The following ASCC3 variants were observed in gnomAD, a reference collection of about 807,000 sequenced individuals.
ASCC3 encodes the protein activating signal cointegrator 1 complex subunit 3.
Under a neutral mutation model 256.3 loss-of-function variants are expected in ASCC3, and 158 were observed. The ratio of observed to expected loss-of-function variants is 0.62; its 90% confidence interval spans 0.54 to 0.70. The LOEUF (loss-of-function observed/expected upper bound fraction) is 0.70. Among genes scored for constraint, ASCC3 ranks in the 30% least tolerant of loss-of-function variants. The pLI is 0.00. For missense variants in ASCC3, 2,259 were observed against 2,626.0 expected (o/e 0.86, Z 3.05); for synonymous variants, 948 against 883.4 (o/e 1.07, Z -1.30).
chr6:100,766,821 G>GA, intron 9 of ASCC3, 116 bp from the exon 10 acceptor site: 1 of 1,279,028 alleles, frequency 7.8e-7, no homozygotes, highest in East Asian at 2.4e-5. Context: ...TACTTCCAGT[G>GA]AAAAATCTTA....
At chr6:100,582,965 G>C (rs1771395374) in intron 36 of ASCC3, among the ~76,000 whole-genome samples, 1 of 152,154 alleles carries the variant, frequency 6.6e-6, no homozygotes, top group Non-Finnish European at 1.5e-5. Flanking sequence ...TAAGCTTTTT[G>C]ATGTGCTGCT....
intron 4 of ASCC3, among the ~76,000 whole-genome samples, chr6:100,829,982 G>A (rs1269778016): frequency 1.3e-5 from 2 of 151,970 alleles, no homozygotes; most frequent in South Asian, 2.1e-4. Flanking sequence ...AATCAAGGAG[G>A]CTACTAAGTG....
intron 13 of ASCC3, among the ~76,000 whole-genome samples, chr6:100,689,565 G>A (rs539172322): frequency 4.5e-4 from 69 of 152,252 alleles, no homozygotes; most frequent in African/African-American, 1.6e-3. Flanking sequence ...ATCAGTGGAT[G>A]CTCAATAAAT....
rs745669280 is a variant in ASCC3, at chr6:100,508,224, G to A, written c.*1162C>T. 7 of 152,032 alleles carry A rather than the reference G, an allele frequency of 4.6e-5. No individual in the cohort carries two copies. Among genetic ancestry groups the A allele is most frequent in the Non-Finnish European group, 7.4e-5 (5 of 67,986 alleles). The allele number at this position is 152,032 out of a possible 1,614,324, so 9.4% of individuals were successfully genotyped here. ...TTCTTCTTCTTTTTTATTTAAGCAT[G>A]GAAAAGGATATATACAAGCAATACA... On this transcript the variant is annotated 3_prime_UTR_variant, in exon 42 of 42. Transcript: ENST00000369162.
chr6:100,878,810 C>T (rs1184162128), intron 1 of ASCC3, among the ~76,000 whole-genome samples: 1 of 152,204 alleles, frequency 6.6e-6, no homozygotes, highest in Non-Finnish European at 1.5e-5. Context: ...ATGTCTGTGA[C>T]AAAATGTGTA....
chr6:100,525,249 C>A (rs946008575), intron 37 of ASCC3, among the ~76,000 whole-genome samples: 1 of 148,976 alleles, frequency 6.7e-6, no homozygotes, highest in Admixed American at 6.7e-5. Context: ...TGAGGCATGT[C>A]TGTTCAAATT....
chr6:100,638,838 G>T lies in ASCC3; in HGVS notation c.3902-17C>A. On this transcript the variant is annotated splice_polypyrimidine_tract_variant and intron_variant, in intron 24 of 41. Transcript: ENST00000369162. ...CCAGTAATTCTGAAAAGACCCAACA[G>T]GATGGCTATACGACAATTGAAAAAC... is the stretch of plus-strand genomic sequence containing the variant. 2 of 1,600,474 alleles carry T rather than the reference G, an allele frequency of 1.2e-6. No homozygotes were observed. The highest frequency in any genetic ancestry group is 1.7e-6 in the Non-Finnish European group (2 of 1,167,664).
At chr6:100,692,653 C>T (rs1320549119) in intron 13 of ASCC3, among the ~76,000 whole-genome samples, 1 of 151,778 alleles carries the variant, frequency 6.6e-6, no homozygotes, top group Non-Finnish European at 1.5e-5. Context: ...ATTGTTTTCT[C>T]TCTTTAGGGC....
At chr6:100,800,604 T>C (rs9322213) in intron 5 of ASCC3, 100 bp from the exon 6 acceptor site, 446,402 of 858,154 alleles carry the variant, frequency 0.52, 118,091 homozygotes, top group South Asian at 0.67. Flanking sequence ...CATATAATGC[T>C]CTTACAATTC....
At chr6:100,556,631 ATTCT>A in intron 36 of ASCC3, among the ~76,000 whole-genome samples, 1 of 152,192 alleles carries the variant, frequency 6.6e-6, no homozygotes, top group East Asian at 1.9e-4. Context: ...TAACGAAATA[ATTCT>A]TTATTATGTA....
chr6:100,512,842 T>C lies in ASCC3; in HGVS notation c.6152A>G (p.Glu2051Gly). 1 of 1,614,108 alleles carries C rather than the reference T, an allele frequency of 6.2e-7. No homozygotes were observed. The highest frequency in any genetic ancestry group is 8.5e-7 in the Non-Finnish European group (1 of 1,179,984). ...SVKGSWDDLV[E>G]GHNELSVSTL... The stretch of plus-strand genomic sequence containing the variant: ...TGAGACAGAGAGTTCATTATGTCCT[T>C]CAACTAAGTCATCCCACGAGCCTTT... Residue 2051 changes from glutamate to glycine, a missense_variant, in exon 40 of 42, where the codon GAA (glutamate) becomes GGA (glycine). Transcript: ENST00000369162.
At chr6:100,831,847 T>G (rs1771633956) in intron 4 of ASCC3, among the ~76,000 whole-genome samples, 1 of 151,776 alleles carries the variant, frequency 6.6e-6, no homozygotes, top group African/African-American at 2.4e-5. Context: ...GATAAAGCAG[T>G]TGCTTTATTA....
chr6:100,638,597 A>G lies in ASCC3; in HGVS notation c.4122+4T>C. The G allele has an allele frequency of 6.3e-7, 1 of 1,597,180 alleles. No individual in the cohort carries two copies. Among genetic ancestry groups the G allele is most frequent in the Non-Finnish European group, 8.6e-7 (1 of 1,164,940 alleles). ...TAAATGTAAGTATGATTCTTTCAAC[A>G]GACCTTTGAAGTAGGGTATTTGTTG... On this transcript the variant is annotated splice_donor_region_variant and intron_variant, in intron 25 of 41. Coordinates refer to ENST00000369162, the MANE Select transcript of ASCC3 (RefSeq NM_006828.4).
At chr6:100,619,023 C>T (rs920939878) in intron 30 of ASCC3, among the ~76,000 whole-genome samples, 5 of 152,114 alleles carry the variant, frequency 3.3e-5, no homozygotes, top group Non-Finnish European at 7.4e-5. Context: ...TTCAGAATGG[C>T]AGCTGGGAGG....
intron 13 of ASCC3, among the ~76,000 whole-genome samples, chr6:100,709,256 T>C (rs1038510537): frequency 6.6e-6 from 1 of 152,112 alleles, no homozygotes; most frequent in African/African-American, 2.4e-5. Context: ...TAAACAAAAA[T>C]AACAGGTAGA....
intron 4 of ASCC3, among the ~76,000 whole-genome samples, chr6:100,821,230 A>G (rs1221600928): frequency 6.6e-6 from 1 of 152,048 alleles, no homozygotes; most frequent in African/African-American, 2.4e-5. Flanking sequence ...TGCCCAGTTG[A>G]GTCTCAAACT....
chr6:100,589,477 A>G (rs915729461), intron 36 of ASCC3, among the ~76,000 whole-genome samples, 157 bp downstream of exon 36: 3 of 152,126 alleles, frequency 2.0e-5, no homozygotes, highest in African/African-American at 4.8e-5. Context: ...CACCTTATCT[A>G]TGGGTATCTT....
intron 4 of ASCC3, among the ~76,000 whole-genome samples, chr6:100,825,273 A>ATTTT (rs71028036): frequency 1.4e-5 from 2 of 141,360 alleles, no homozygotes. Context: ...TTCTTTTGTG[A>ATTTT]TTTTTTTTTT....
intron 4 of ASCC3, among the ~76,000 whole-genome samples, chr6:100,809,173 CA>C (rs542175974): frequency 5.0e-4 from 72 of 143,122 alleles, no homozygotes; most frequent in South Asian, 1.5e-3. Context: ...TTTATTTTTT[CA>C]AAAAAAAAAA....
Sources: gnomAD v4.1 joint callset for allele counts (sites outside exome capture counted in the v4.1 genomes callset) on GRCh38, gnomAD v4.1.1 for gene constraint, MANE v1.5 for transcripts, NCBI Gene and HGNC (gene_info 2026-07-23, HGNC 2026-07-21) for gene names.